The following SGCD variants were observed in gnomAD, a reference collection of about 807,000 sequenced individuals.
SGCD encodes delta-sarcoglycan.
A neutral mutation model predicts 36.6 loss-of-function variants in SGCD; 18 were observed. The ratio of observed to expected loss-of-function variants is 0.49; its 90% CI spans 0.34 to 0.73. The LOEUF (loss-of-function observed/expected upper bound fraction) is 0.73, where lower values mean the gene tolerates loss of function less well. Among genes scored for constraint, SGCD ranks in the 30% least tolerant of loss-of-function variants. SGCD has a pLI of 0.01. For synonymous variants in SGCD, 133 were observed against 130.6 expected (o/e 1.02, Z -0.12); for missense variants, 387 against 346.7 (o/e 1.12, Z -0.92).
Position 156,565,887 on chromosome 5 carries a change from T to A in SGCD, c.295-23344T>A, listed in dbSNP as rs76587862. ...CAAATGACATGACCTCATCCTTTTT[T>A]ATGGCTGCCTTGTATTCCATAGTGT... On this transcript the variant is annotated intron_variant, in intron 4 of 8. Coordinates refer to ENST00000337851, the MANE Select transcript of SGCD (RefSeq NM_000337.6). Among the ~76,000 whole-genome samples, 1,054 of 152,332 alleles carry A rather than the reference T, an allele frequency of 6.9e-3. 11 individuals are homozygous for A. The highest frequency in any genetic ancestry group is 0.023 in the African/African-American group (937 of 41,572).
chr5:156,097,879 A>G (rs1761419289), intron 1 of SGCD, among the ~76,000 whole-genome samples: 1 of 152,174 alleles, frequency 6.6e-6, no homozygotes, highest in East Asian at 1.9e-4. Context: ...GACTTTCAGC[A>G]CGTAAGTATT....
At chr5:156,690,256 A>T (rs1249299378) in intron 7 of SGCD, among the ~76,000 whole-genome samples, 2 of 152,180 alleles carry the variant, frequency 1.3e-5, no homozygotes, top group African/African-American at 4.8e-5. Flanking sequence ...TAGAGCTGAG[A>T]TTCAAACCCA....
At chr5:156,189,383 C>T (rs1373071896) in intron 3 of SGCD, among the ~76,000 whole-genome samples, 3 of 152,148 alleles carry the variant, frequency 2.0e-5, no homozygotes, top group African/African-American at 7.2e-5. Context: ...CAGATAAATT[C>T]TATGATCTCC....
intron 1 of SGCD, among the ~76,000 whole-genome samples, chr5:155,985,747 T>G (rs886791768): frequency 6.6e-6 from 1 of 152,144 alleles, no homozygotes; most frequent in African/African-American, 2.4e-5. Flanking sequence ...CTCAAACCAT[T>G]TAAAATAATG....
At chr5:155,906,317 T>C (rs1169626823) in intron 1 of SGCD, among the ~76,000 whole-genome samples, 2 of 152,092 alleles carry the variant, frequency 1.3e-5, no homozygotes, top group Non-Finnish European at 2.9e-5. Context: ...CTAGGCCAAT[T>C]AATAACCCTA....
chr5:155,903,434 T>A (rs1375739483), intron 1 of SGCD, among the ~76,000 whole-genome samples: 1 of 152,192 alleles, frequency 6.6e-6, no homozygotes, highest in East Asian at 1.9e-4. Flanking sequence ...TAGATCTCTA[T>A]CTAGCCTACC....
chr5:156,285,227 T>C (rs1766561906), intron 3 of SGCD, among the ~76,000 whole-genome samples: 1 of 152,046 alleles, frequency 6.6e-6, no homozygotes, highest in African/African-American at 2.4e-5. Context: ...AGAATCAATA[T>C]CGTGAAAATG....
At chr5:156,611,568 G>C (rs970466798) in intron 6 of SGCD, among the ~76,000 whole-genome samples, 1 of 152,108 alleles carries the variant, frequency 6.6e-6, no homozygotes, top group Non-Finnish European at 1.5e-5. Context: ...TTGAAAATTT[G>C]ATTATAATGT....
intron 3 of SGCD, among the ~76,000 whole-genome samples, chr5:156,287,672 T>A (rs1321619073): frequency 6.6e-6 from 1 of 151,494 alleles, no homozygotes; most frequent in Admixed American, 6.6e-5. Context: ...TATGTGTGTA[T>A]GGGTACATGC....
chr5:156,037,792 G>T (rs1015279765), intron 1 of SGCD, among the ~76,000 whole-genome samples: 3 of 152,172 alleles, frequency 2.0e-5, no homozygotes, highest in Non-Finnish European at 4.4e-5. Context: ...TATCTAGAAA[G>T]AAATTCCCTG....
At chr5:155,736,482 C>T in the SGCD span, among the ~76,000 whole-genome samples, 1 of 151,992 alleles carries the variant, frequency 6.6e-6, no homozygotes, top group African/African-American at 2.4e-5. Flanking sequence ...CAAATTGCTC[C>T]CTTTCCTATC....
At chr5:156,213,840 C>G (rs530015170) in intron 3 of SGCD, among the ~76,000 whole-genome samples, 1 of 152,056 alleles carries the variant, frequency 6.6e-6, no homozygotes, top group Admixed American at 6.5e-5. Flanking sequence ...TGTGATACCT[C>G]ACATTAACAG....
At chr5:156,215,641 C>T (rs1197823499) in intron 3 of SGCD, among the ~76,000 whole-genome samples, 3 of 152,110 alleles carry the variant, frequency 2.0e-5, no homozygotes, top group Non-Finnish European at 4.4e-5. Flanking sequence ...TATCACCTAA[C>T]ACCAGTTAGA....
intron 7 of SGCD, among the ~76,000 whole-genome samples, chr5:156,652,805 G>T (rs186244634): frequency 1.1e-3 from 173 of 152,050 alleles, no homozygotes; most frequent in African/African-American, 3.9e-3. Context: ...TTCTCATACA[G>T]GGATGTTGGA....
At chr5:156,311,273 A>G (rs1206265805) in intron 3 of SGCD, among the ~76,000 whole-genome samples, 1 of 152,148 alleles carries the variant, frequency 6.6e-6, no homozygotes, top group Non-Finnish European at 1.5e-5. Context: ...GAAGTTTTGC[A>G]ATCCTAGCCA....
intron 6 of SGCD, among the ~76,000 whole-genome samples, chr5:156,619,200 T>C (rs1762144905): frequency 6.6e-6 from 1 of 152,114 alleles, no homozygotes; most frequent in South Asian, 2.1e-4. Flanking sequence ...TAATTTTTTG[T>C]ATTTTCAGTA....
chr5:156,491,422 T>C (rs1755931349), intron 3 of SGCD, among the ~76,000 whole-genome samples: 1 of 152,168 alleles, frequency 6.6e-6, no homozygotes, highest in Non-Finnish European at 1.5e-5. Flanking sequence ...GGCATCACAC[T>C]ACTTGATCTC....
intron 1 of SGCD, among the ~76,000 whole-genome samples, chr5:155,961,620 G>C (rs544347429): frequency 1.3e-5 from 2 of 152,196 alleles, no homozygotes; most frequent in African/African-American, 4.8e-5. Context: ...CCATCACATG[G>C]CAAGGCTTAA....
At chr5:156,471,872 TACAC>T (rs1389144568) in intron 3 of SGCD, among the ~76,000 whole-genome samples, 2 of 150,404 alleles carry the variant, frequency 1.3e-5, no homozygotes, top group Non-Finnish European at 2.9e-5. Context: ...AAAATATACA[TACAC>T]AACGAATTTA....
Sources: gnomAD v4.1 joint callset for allele counts (sites outside exome capture counted in the v4.1 genomes callset) on GRCh38, gnomAD v4.1.1 for gene constraint, MANE v1.5 for transcripts, NCBI Gene and HGNC (gene_info 2026-07-23, HGNC 2026-07-21) for gene names.